Variants in STRADA observed in about 807,000 individuals in gnomAD.
STRADA encodes the protein STE20-related kinase adapter protein alpha.
A neutral mutation model predicts 55.0 loss-of-function variants in STRADA; 26 were observed. The observed-to-expected ratio is 0.47, with a 90% confidence interval of 0.35 to 0.66. The LOEUF (loss-of-function observed/expected upper bound fraction) is 0.66, where lower values mean the gene tolerates loss of function less well. STRADA is among the 30% of genes least tolerant of loss of function. The pLI is 0.01. For synonymous variants in STRADA, 197 were observed against 210.9 expected (o/e 0.93, Z 0.57); for missense variants, 443 against 549.7 (o/e 0.81, Z 1.94).
intron 1 of STRADA, among the ~76,000 whole-genome samples, chr17:63,736,545 T>C (rs908884409): frequency 3.3e-5 from 5 of 151,538 alleles, no homozygotes; most frequent in Admixed American, 2.6e-4. Context: ...GGAGAATTGC[T>C]TGAACTTGGG....
chr17:63,717,855 C>G (rs2037005532), intron 4 of STRADA, among the ~76,000 whole-genome samples: 1 of 152,042 alleles, frequency 6.6e-6, no homozygotes, highest in South Asian at 2.1e-4. Flanking sequence ...TCAAGTGATC[C>G]TCCCACCTTG....
chr17:63,740,086 C>CTA (rs771962134), intron 1 of STRADA, among the ~76,000 whole-genome samples: 4,670 of 40,892 alleles, frequency 0.11, 731 homozygotes, highest in South Asian at 0.28. Context: ...ACATTTAACA[C>CTA]TATATATATA....
chr17:63,712,707 C>T lies in STRADA; in HGVS notation c.348+699G>A, dbSNP rs571423122. Among the ~76,000 whole-genome samples the T allele has an allele frequency of 1.0e-3, 157 of 149,974 alleles. 1 individual carries two copies. The highest frequency in any genetic ancestry group is 1.8e-3 in the Non-Finnish European group (123 of 67,604). The stretch of plus-strand genomic sequence containing the variant: ...AGGGCAATAAAATGAGACCCTGTCT[C>T]GAAAAAAAAGAGGCCAGATGCGGTG... On this transcript the variant is annotated intron_variant, in intron 6 of 12. Transcript: ENST00000336174.
At chr17:63,730,974 T>C (rs1427649648) in intron 1 of STRADA, among the ~76,000 whole-genome samples, 2 of 150,992 alleles carry the variant, frequency 1.3e-5, no homozygotes, top group South Asian at 2.1e-4. Context: ...TGAGATGGAG[T>C]CTCGCTCTGT....
At chr17:63,740,155 C>CACACAG (rs2038830313) in intron 1 of STRADA, among the ~76,000 whole-genome samples, 1 of 111,410 alleles carries the variant, frequency 9.0e-6, no homozygotes, top group African/African-American at 3.9e-5. Context: ...TATACACACA[C>CACACAG]ACACACACAC....
At chr17:63,709,180 T>C (rs1362807120) in intron 8 of STRADA, among the ~76,000 whole-genome samples, 2 of 152,156 alleles carry the variant, frequency 1.3e-5, no homozygotes, top group Non-Finnish European at 2.9e-5. Context: ...AGAAGTGGCA[T>C]TGATGGTTCT....
rs373358406 is a variant in STRADA, at chr17:63,703,658, C to T, written c.1237G>A (p.Gly413Arg). 2.7e-5 allele frequency: 43 copies of T among 1,614,092 alleles called. No homozygotes were observed. The highest frequency in any genetic ancestry group is 3.5e-5 in the Non-Finnish European group (41 of 1,180,036). The change falls in exon 13 of 13, where the codon GGA becomes AGA. Residue 413 changes from glycine to arginine, a missense_variant. Transcript: ENST00000336174. ...AGGTTTGTTACCAGGCCAAAGATTC[C>T]ACTGTGGTCCTGAGACTGGCTGCCC... Reference protein sequence around the residue: ...FEGSQSQDHSGIFGLVTNLEE... With the variant: ...FEGSQSQDHSRIFGLVTNLEE...
intron 1 of STRADA, among the ~76,000 whole-genome samples, chr17:63,739,967 C>A (rs539450630): frequency 6.8e-6 from 1 of 147,322 alleles, no homozygotes; most frequent in South Asian, 2.1e-4. Context: ...CCCCGCCAGG[C>A]AGGTACCTGT....
chr17:63,706,710 G>A lies in STRADA; in HGVS notation c.783C>T (p.Asp261=), dbSNP rs1419069476. ...AGGCTGTGATTCCCACACTGTAGAT[G>A]TCAGACTTGGCATCATAACCCTGGA... ...QNLQGYDAKS[D]IYSVGITACE... Residue 261 remains aspartate, a synonymous_variant, in exon 10 of 13, where the codon GAC becomes GAT. Coordinates refer to ENST00000336174, the MANE Select transcript of STRADA (RefSeq NM_001003787.4). 3 of 1,614,036 alleles carry A rather than the reference G, an allele frequency of 1.9e-6. No homozygotes were observed. Among genetic ancestry groups the A allele is most frequent in the Non-Finnish European group, 2.5e-6 (3 of 1,179,908 alleles).
In STRADA at chr17:63,717,043, T is replaced by C. The variant is rs907724052; in HGVS notation, c.124-2935A>G. 6 of 152,182 alleles carry C rather than the reference T, an allele frequency of 3.9e-5. 1 individual carries two copies. The South Asian group carries it at 8.3e-4, about 21-fold the overall frequency. The allele number at this position is 152,182 out of a possible 1,614,324, so 9.4% of individuals were successfully genotyped here. On this transcript the variant is annotated intron_variant, in intron 4 of 12. Coordinates refer to ENST00000336174, the MANE Select transcript of STRADA (RefSeq NM_001003787.4). Reference sequence around the variant, plus strand: ...ATCTCATAGTGTTGTATCTATTAGATGAGATAAAATATGTTAAGAGCTTAG... The same window carrying C: ...ATCTCATAGTGTTGTATCTATTAGACGAGATAAAATATGTTAAGAGCTTAG...
At chr17:63,710,647 G>A (rs1041679627) in intron 7 of STRADA, 33 bp from the exon 8 acceptor site, 58 of 1,613,938 alleles carry the variant, frequency 3.6e-5, no homozygotes, top group Non-Finnish European at 4.2e-5. Flanking sequence ...GGCAGTGAAA[G>A]GTAATGGAGG....
chr17:63,708,836 A>T (rs913492050), intron 8 of STRADA, among the ~76,000 whole-genome samples: 2 of 152,162 alleles, frequency 1.3e-5, no homozygotes, highest in Non-Finnish European at 1.5e-5. Context: ...GCTCTAGAAC[A>T]CCTCTTGCCC....
intron 1 of STRADA, chr17:63,741,361 G>A (rs1173199279): frequency 3.9e-5 from 6 of 152,364 alleles, no homozygotes; most frequent in Admixed American, 3.3e-4. Flanking sequence ...CCCAAAGTGC[G>A]CGGCGGCTGG....
At chr17:63,740,127 TACAC>T (rs1555712244) in intron 1 of STRADA, among the ~76,000 whole-genome samples, 4 of 53,124 alleles carry the variant, frequency 7.5e-5, no homozygotes, top group Admixed American at 2.1e-4. Context: ...CATATATATA[TACAC>T]ATACATATAT....
intron 6 of STRADA, among the ~76,000 whole-genome samples, chr17:63,711,133 T>C (rs1046016934): frequency 2.2e-4 from 33 of 152,246 alleles, no homozygotes; most frequent in Admixed American, 6.5e-5. Context: ...TCTGAAGTTA[T>C]AAGCTTATCT....
At chr17:63,708,882 T>C (rs1475803347) in intron 8 of STRADA, among the ~76,000 whole-genome samples, 1 of 152,218 alleles carries the variant, frequency 6.6e-6, no homozygotes, top group African/African-American at 2.4e-5. Context: ...GTACTTCTTA[T>C]CTGTAGGACT....
In STRADA at chr17:63,703,397, T is replaced by G; in HGVS notation, c.*202A>C. On this transcript the variant is annotated 3_prime_UTR_variant, in exon 13 of 13. Coordinates refer to ENST00000336174, the MANE Select transcript of STRADA (RefSeq NM_001003787.4). ...CCCTCCTGATCCCTGGTTGTTGAGATTCCCTTGTGTCTCAAAAGCCTTGGA... is the reference window on the plus strand; with the variant it reads ...CCCTCCTGATCCCTGGTTGTTGAGAGTCCCTTGTGTCTCAAAAGCCTTGGA... 1.8e-6 allele frequency: 1 copy of G among 567,534 alleles called. No individual in the cohort carries two copies. The highest frequency in any genetic ancestry group is 3.1e-6 in the Non-Finnish European group (1 of 325,652). 35.2% of individuals were successfully genotyped at this position (567,534 alleles called of 1,614,324 possible).
intron 1 of STRADA, among the ~76,000 whole-genome samples, chr17:63,739,661 CATATATGT>C (rs2038715514): frequency 6.7e-6 from 1 of 148,950 alleles, no homozygotes. Context: ...ATATATTATG[CATATATGT>C]ATATATTATA....
intron 1 of STRADA, among the ~76,000 whole-genome samples, chr17:63,736,240 T>C (rs2038414046): frequency 6.6e-6 from 1 of 151,646 alleles, no homozygotes; most frequent in Non-Finnish European, 1.5e-5. Context: ...CCCAGCCCCA[T>C]ACACGGTTTT....
Sources: gnomAD v4.1 joint callset for allele counts (sites outside exome capture counted in the v4.1 genomes callset) on GRCh38, gnomAD v4.1.1 for gene constraint, MANE v1.5 for transcripts, NCBI Gene and HGNC (gene_info 2026-07-23, HGNC 2026-07-21) for gene names.